TBC1D5: variants seen among roughly 807,000 people sequenced by gnomAD.
TBC1D5 encodes TBC1 domain family member 5.
Under a neutral mutation model 100.3 loss-of-function variants are expected in TBC1D5, and 75 were observed. That is an observed-to-expected ratio of 0.75 (90% CI 0.62 to 0.91). TBC1D5 has a LOEUF of 0.91. Ranked by LOEUF, TBC1D5 falls within the 40% of genes least tolerant of loss-of-function variation. TBC1D5 has a pLI of 0.00. For missense variants in TBC1D5, 910 were observed against 942.4 expected, an observed-to-expected ratio of 0.97 and a Z score of 0.45; for synonymous variants, 323 against 325.6, an observed-to-expected ratio of 0.99 and a Z score of 0.09.
intron 2 of TBC1D5, among the ~76,000 whole-genome samples, chr3:17,606,798 A>G (rs1334181226): frequency 6.6e-6 from 1 of 152,192 alleles, no homozygotes; most frequent in Non-Finnish European, 1.5e-5. Context: ...CAACAACAAC[A>G]ACAACAAATA....
At chr3:17,500,626 T>C (rs2095774655) in intron 3 of TBC1D5, among the ~76,000 whole-genome samples, 2 of 149,612 alleles carry the variant, frequency 1.3e-5, no homozygotes, top group Admixed American at 6.6e-5. Flanking sequence ...TACACAATGC[T>C]TGAAAAACTG....
chr3:17,480,050 G>A (rs1039767955), intron 3 of TBC1D5, among the ~76,000 whole-genome samples: 2 of 152,172 alleles, frequency 1.3e-5, no homozygotes, highest in South Asian at 2.1e-4. Flanking sequence ...CCTGGTGTCC[G>A]CTCTCTGGAG....
chr3:17,339,086 A>C (rs2088427435), intron 13 of TBC1D5, among the ~76,000 whole-genome samples: 1 of 152,232 alleles, frequency 6.6e-6, no homozygotes, highest in Non-Finnish European at 1.5e-5. Context: ...GCATTAAACA[A>C]CACAGTACTG....
chr3:17,371,668 G>A (rs2092466290), intron 13 of TBC1D5, among the ~76,000 whole-genome samples: 1 of 152,122 alleles, frequency 6.6e-6, no homozygotes, highest in Non-Finnish European at 1.5e-5. Context: ...GAAATAAAAT[G>A]GAGAAGGAAC....
chr3:17,260,253 G>C (rs1268039867), intron 15 of TBC1D5, among the ~76,000 whole-genome samples: 1 of 152,136 alleles, frequency 6.6e-6, no homozygotes, highest in African/African-American at 2.4e-5. Context: ...AATAAAAAAA[G>C]ACCCCTTTTC....
intron 2 of TBC1D5, among the ~76,000 whole-genome samples, chr3:17,599,351 G>A (rs1213074033): frequency 6.6e-6 from 1 of 152,166 alleles, no homozygotes; most frequent in Non-Finnish European, 1.5e-5. Context: ...CAGCAGAGGA[G>A]GAGAGAAGAG....
chr3:17,543,666 G>A (rs939190709), intron 2 of TBC1D5, among the ~76,000 whole-genome samples: 1 of 151,478 alleles, frequency 6.6e-6, no homozygotes, highest in African/African-American at 2.4e-5. Flanking sequence ...AAACAGAAAA[G>A]AAAGAAAAAA....
At chr3:17,452,623 T>C (rs1199331139) in intron 3 of TBC1D5, among the ~76,000 whole-genome samples, 1 of 152,098 alleles carries the variant, frequency 6.6e-6, no homozygotes, top group Non-Finnish European at 1.5e-5. Context: ...AAAACAATTA[T>C]AAATATATAT....
intron 2 of TBC1D5, among the ~76,000 whole-genome samples, chr3:17,556,043 G>A (rs1178815736): frequency 6.6e-6 from 1 of 151,358 alleles, no homozygotes; most frequent in Non-Finnish European, 1.5e-5. Context: ...TTTTTTTTGA[G>A]ACAGGGTCTC....
At chr3:17,275,562 C>A (rs975991970) in intron 15 of TBC1D5, among the ~76,000 whole-genome samples, 1 of 152,150 alleles carries the variant, frequency 6.6e-6, no homozygotes, top group Non-Finnish European at 1.5e-5. Context: ...AACCAACCAA[C>A]CAACCCCCCG....
chr3:17,544,744 G>A (rs1460683403), intron 2 of TBC1D5, among the ~76,000 whole-genome samples: 1 of 151,558 alleles, frequency 6.6e-6, no homozygotes, highest in Admixed American at 6.6e-5. Context: ...GTGAAATAAA[G>A]GAGGAGGAAA....
At chr3:17,501,620 C>A (rs1011340484) in intron 3 of TBC1D5, among the ~76,000 whole-genome samples, 2 of 149,002 alleles carry the variant, frequency 1.3e-5, no homozygotes, top group African/African-American at 5.1e-5. Flanking sequence ...GTCTACCCTG[C>A]CCTCTGCAAA....
At chr3:17,698,836 A>T (rs948611411) in intron 1 of TBC1D5, among the ~76,000 whole-genome samples, 4 of 146,066 alleles carry the variant, frequency 2.7e-5, no homozygotes, top group African/African-American at 1.0e-4. Flanking sequence ...AATCAAAACC[A>T]CATGAGATAT....
chr3:17,216,390 G>C (rs2073637635), intron 17 of TBC1D5, among the ~76,000 whole-genome samples: 1 of 152,046 alleles, frequency 6.6e-6, no homozygotes, highest in African/African-American at 2.4e-5. Context: ...TGTTAGATCT[G>C]TATCATGGTC....
At chr3:17,365,773 CA>C (rs1269690592) in intron 13 of TBC1D5, among the ~76,000 whole-genome samples, 1 of 152,182 alleles carries the variant, frequency 6.6e-6, no homozygotes, top group Non-Finnish European at 1.5e-5. Flanking sequence ...GAATTTGGCT[CA>C]TGGTCCAATG....
chr3:17,219,043 T>A (rs73817217), intron 17 of TBC1D5, among the ~76,000 whole-genome samples: 1,932 of 151,938 alleles, frequency 0.013, 33 homozygotes, highest in African/African-American at 0.044. Flanking sequence ...TATCTGTATG[T>A]TATTATGCTT....
intron 2 of TBC1D5, among the ~76,000 whole-genome samples, chr3:17,566,413 T>C (rs2096594038): frequency 6.6e-6 from 1 of 151,902 alleles, no homozygotes; most frequent in African/African-American, 2.4e-5. Context: ...AGGTAACAGG[T>C]AACAGAAGGC....
chr3:17,205,676 G>A (rs969899754), intron 18 of TBC1D5, among the ~76,000 whole-genome samples: 1 of 152,164 alleles, frequency 6.6e-6, no homozygotes, highest in African/African-American at 2.4e-5. Context: ...ACCAGAGATT[G>A]GTAAGGAGTG....
rs1294577841 is a variant in TBC1D5, at chr3:17,497,131, CACACA to C, written c.97+11338_97+11342del. On this transcript the variant is annotated intron_variant, in intron 3 of 21. Transcript: ENST00000253692. ...ACACACACACACACACACACACACA[CACACA>C]CCATCCTTGTATATCTGCATATCTG... Among the ~76,000 whole-genome samples, 1,308 of 135,580 alleles carry C rather than the reference CACACA, an allele frequency of 9.6e-3. 27 individuals are homozygous for C. Among genetic ancestry groups the C allele is most frequent in the African/African-American group, 0.032 (1,083 of 34,280 alleles). 88.9% of individuals were successfully genotyped at this position (135,580 alleles called of 152,430 possible).
Sources: allele counts gnomAD v4.1 joint callset (sites outside exome capture counted in the v4.1 genomes callset), GRCh38; gene constraint gnomAD v4.1.1; transcripts MANE v1.5; gene names NCBI Gene and HGNC (gene_info 2026-07-23, HGNC 2026-07-21).